The following PIAS2 variants were observed in gnomAD, a reference collection of about 807,000 sequenced individuals.
PIAS2 encodes protein inhibitor of activated STAT 2.
In PIAS2, 19 loss-of-function variants were observed where a neutral mutation model predicts 69.7. The ratio of observed to expected loss-of-function variants is 0.27; its 90% CI spans 0.19 to 0.40. The LOEUF is 0.40. PIAS2 is among the 10% of genes least tolerant of loss of function. The pLI, the probability that PIAS2 is intolerant of heterozygous loss-of-function variation, is 1.00. For missense variants in PIAS2, 624 were observed against 757.0 expected, an observed-to-expected ratio of 0.82 and a Z score of 2.06; for synonymous variants, 261 against 263.2, an observed-to-expected ratio of 0.99 and a Z score of 0.08.
intron 2 of PIAS2, among the ~76,000 whole-genome samples, chr18:46,879,141 G>A (rs2051749957): frequency 6.6e-6 from 1 of 152,174 alleles, no homozygotes; most frequent in African/African-American, 2.4e-5. Flanking sequence ...ACTAAAGAAT[G>A]TCTTCTCCCA....
intron 2 of PIAS2, among the ~76,000 whole-genome samples, chr18:46,879,492 A>C (rs1295723502): frequency 6.6e-6 from 1 of 152,196 alleles, no homozygotes; most frequent in Non-Finnish European, 1.5e-5. Flanking sequence ...TGTGGAAAAC[A>C]GTTTAGTGGT....
intron 1 of PIAS2, chr18:46,915,750 T>C (rs974460741): frequency 6.6e-6 from 1 of 151,340 alleles, no homozygotes; most frequent in Non-Finnish European, 1.5e-5. Context: ...GCCAACAACA[T>C]TCACAAGAGT....
intron 5 of PIAS2, among the ~76,000 whole-genome samples, chr18:46,855,103 TAAAA>T (rs59957336): frequency 1.2e-4 from 9 of 76,346 alleles, no homozygotes; most frequent in African/African-American, 3.5e-4. Context: ...CTTGTCTCTT[TAAAA>T]AAAAAAAAAA....
intron 1 of PIAS2, among the ~76,000 whole-genome samples, chr18:46,914,287 GGTTT>G (rs2057563311): frequency 1.3e-5 from 2 of 152,104 alleles, no homozygotes; most frequent in Admixed American, 1.3e-4. Context: ...CTGCTGATCA[GGTTT>G]GTGTGCTTTG....
intron 2 of PIAS2, among the ~76,000 whole-genome samples, chr18:46,871,157 T>C (rs997988226): frequency 2.6e-5 from 4 of 152,058 alleles, no homozygotes; most frequent in African/African-American, 7.2e-5. Context: ...TTACAAAAGA[T>C]AGAGAATTGG....
At position 46,871,867 on chromosome 18, in the gene PIAS2, G is replaced by A. The variant is rs560788155; in HGVS notation, c.500-7619C>T. 1.5e-4 allele frequency among the ~76,000 whole-genome samples: 23 copies of A among 152,238 alleles called. 1 individual carries two copies. The South Asian group carries it at 3.9e-3, about 26-fold the overall frequency. On this transcript the variant is annotated intron_variant, in intron 2 of 13. Transcript: ENST00000585916. ...ACATTTAATGCTAAAACTAGGTATA[G>A]GCCTACATGTCAGTCCAAACGGATT...
At chr18:46,853,531 C>G (rs1202020674) in intron 5 of PIAS2, 2 of 152,394 alleles carry the variant, frequency 1.3e-5, no homozygotes, top group Non-Finnish European at 2.9e-5. Context: ...GTGGCTCACG[C>G]CTGTAATCCC....
At chr18:46,820,826 C>T in intron 12 of PIAS2, 107 bp downstream of exon 12, 1 of 1,001,252 alleles carries the variant, frequency 1.0e-6, no homozygotes. Context: ...TTCAAATTTC[C>T]TTAGCACCTC....
chr18:46,895,712 G>A (rs1448915253), intron 1 of PIAS2, among the ~76,000 whole-genome samples: 1 of 151,978 alleles, frequency 6.6e-6, no homozygotes, highest in East Asian at 1.9e-4. Flanking sequence ...TTATAAGTAG[G>A]AATAAAGAAA....
At chr18:46,829,956 T>G in intron 9 of PIAS2, 89 bp from the exon 10 acceptor site, 1 of 1,147,296 alleles carries the variant, frequency 8.7e-7, no homozygotes, top group Non-Finnish European at 1.2e-6. Context: ...CTTGAAAACA[T>G]AAGTAATGTT....
rs2040623717 is a variant in PIAS2, at chr18:46,805,044, A to C, written c.*7389T>G. ...GAAACAAAAAAGGATGGAGGTGGTC[A>C]TAGGTGGGGAAGAAATCATGCTTTC... On this transcript the variant is annotated 3_prime_UTR_variant, in exon 14 of 14. Transcript: ENST00000585916. The C allele has an allele frequency of 6.6e-6, 1 of 152,270 alleles. No individual in the cohort carries two copies. The highest frequency in any genetic ancestry group is 1.5e-5 in the Non-Finnish European group (1 of 68,066). The allele number at this position is 152,270 out of a possible 1,614,324, so 9.4% of individuals were successfully genotyped here.
intron 13 of PIAS2, among the ~76,000 whole-genome samples, chr18:46,814,310 A>G (rs1006382400): frequency 2.0e-5 from 3 of 152,186 alleles, no homozygotes; most frequent in Non-Finnish European, 4.4e-5. Context: ...TAAATATACA[A>G]AACAGAGCTA....
At chr18:46,845,394 T>C (rs968031335) in intron 6 of PIAS2, among the ~76,000 whole-genome samples, 3 of 152,188 alleles carry the variant, frequency 2.0e-5, no homozygotes, top group African/African-American at 7.2e-5. Flanking sequence ...ATGAACCAGG[T>C]ATCAGCTTTC....
chr18:46,877,127 G>C (rs765864209), intron 2 of PIAS2, among the ~76,000 whole-genome samples: 5 of 152,212 alleles, frequency 3.3e-5, no homozygotes, highest in Non-Finnish European at 5.9e-5. Context: ...CCCTGTGCCA[G>C]AAGCCTAGCA....
chr18:46,835,930 T>C (rs569502987), intron 9 of PIAS2, among the ~76,000 whole-genome samples: 1 of 152,324 alleles, frequency 6.6e-6, no homozygotes, highest in Non-Finnish European at 1.5e-5. Context: ...AAGTTTGGAC[T>C]CCAGAGTCAG....
intron 10 of PIAS2, among the ~76,000 whole-genome samples, chr18:46,828,871 C>T (rs2043184871): frequency 6.6e-6 from 1 of 152,124 alleles, no homozygotes; most frequent in African/African-American, 2.4e-5. Context: ...GGAAAAGCAA[C>T]AGAAACTTAT....
intron 9 of PIAS2, among the ~76,000 whole-genome samples, chr18:46,831,184 C>A (rs1478635954): frequency 6.6e-6 from 1 of 152,068 alleles, no homozygotes; most frequent in Non-Finnish European, 1.5e-5. Flanking sequence ...ACTAGAACTA[C>A]TAAGGGATGG....
intron 2 of PIAS2, among the ~76,000 whole-genome samples, chr18:46,878,689 C>T (rs1043630090): frequency 3.3e-5 from 5 of 152,080 alleles, no homozygotes; most frequent in African/African-American, 7.2e-5. Flanking sequence ...GCCAACATGG[C>T]GAAACCCCGT....
intron 1 of PIAS2, among the ~76,000 whole-genome samples, chr18:46,907,025 G>A (rs1262316723): frequency 6.6e-6 from 1 of 152,138 alleles, no homozygotes; most frequent in African/African-American, 2.4e-5. Context: ...GAGACACCAA[G>A]ACTCTGAAAA....
Sources: allele counts gnomAD v4.1 joint callset (sites outside exome capture counted in the v4.1 genomes callset), GRCh38; gene constraint gnomAD v4.1.1; transcripts MANE v1.5; gene names NCBI Gene and HGNC (gene_info 2026-07-23, HGNC 2026-07-21).